TENM3: variants seen among roughly 807,000 people sequenced by gnomAD.
TENM3 encodes the protein teneurin transmembrane protein 3, also known as teneurin-3.
TENM3 carries 63 observed loss-of-function variants against 255.1 expected under a neutral mutation model. The ratio of observed to expected loss-of-function variants is 0.25; its 90% CI spans 0.20 to 0.30. TENM3 has a LOEUF of 0.30. TENM3 is among the 10% of genes least tolerant of loss of function. The pLI, the probability that TENM3 is intolerant of heterozygous loss-of-function variation, is 1.00. For missense variants in TENM3, 2,929 were observed against 3,461.1 expected (o/e 0.85, Z 3.86); for synonymous variants, 1,306 against 1,322.3 (o/e 0.99, Z 0.27).
intron 3 of TENM3, among the ~76,000 whole-genome samples, chr4:182,400,206 A>G (rs1561407781): frequency 6.6e-6 from 1 of 152,192 alleles, no homozygotes; most frequent in Non-Finnish European, 1.5e-5. Context: ...GGAAAGCAGA[A>G]CACACGTACA....
At chr4:182,156,382 G>A (rs184440007) in intron 1 of TENM3, among the ~76,000 whole-genome samples, 1 of 152,036 alleles carries the variant, frequency 6.6e-6, no homozygotes, top group African/African-American at 2.4e-5. Flanking sequence ...TTTAGATTCA[G>A]GGGTGCACAG....
intron 3 of TENM3, among the ~76,000 whole-genome samples, chr4:182,362,280 G>A (rs1016333743): frequency 2.0e-5 from 3 of 152,110 alleles, no homozygotes; most frequent in African/African-American, 7.2e-5. Context: ...AGTCTGCAGA[G>A]GTTACTGCTG....
At chr4:181,898,671 A>G in the TENM3 span, among the ~76,000 whole-genome samples, 4 of 152,196 alleles carry the variant, frequency 2.6e-5, no homozygotes, top group Admixed American at 1.3e-4. Flanking sequence ...TTACTCTATC[A>G]GACCAGACCC....
At chr4:182,688,109 C>T in intron 11 of TENM3, 57 bp from the exon 12 acceptor site, 1 of 1,432,566 alleles carries the variant, frequency 7.0e-7, no homozygotes, top group Non-Finnish European at 9.4e-7. Flanking sequence ...TTATTAATTC[C>T]CCTTCTCTCT....
chr4:182,720,929 G>A (rs767765281), intron 13 of TENM3, among the ~76,000 whole-genome samples: 9 of 151,900 alleles, frequency 5.9e-5, no homozygotes, highest in Non-Finnish European at 1.2e-4. Flanking sequence ...CACCAGGCCC[G>A]TCTAATTTTT....
chr4:182,008,808 C>G, the TENM3 span, among the ~76,000 whole-genome samples: 1 of 152,010 alleles, frequency 6.6e-6, no homozygotes, highest in Non-Finnish European at 1.5e-5. Context: ...GCACTCTGGC[C>G]TTTTGGGTTT....
At chr4:182,206,726 T>C (rs758215946) in intron 1 of TENM3, among the ~76,000 whole-genome samples, 1 of 152,220 alleles carries the variant, frequency 6.6e-6, no homozygotes, top group Non-Finnish European at 1.5e-5. Context: ...TCCAGAGTTT[T>C]TGTCCCTTCC....
In TENM3 at chr4:182,345,831, ATT is replaced by A. The variant is rs545035779; in HGVS notation, c.233-816_233-815del. Reference sequence around the variant, plus strand: ...AGGCCTGCAGAGTTCACAGCCATTTATTTTTCAGGGAACTTGATTTTATCATT... The same window carrying A: ...AGGCCTGCAGAGTTCACAGCCATTTATTTCAGGGAACTTGATTTTATCATT... On this transcript the variant is annotated intron_variant, in intron 2 of 27. Coordinates refer to ENST00000511685, the MANE Select transcript of TENM3 (RefSeq NM_001080477.4). Among the ~76,000 whole-genome samples the A allele has an allele frequency of 2.6e-5, 4 of 152,218 alleles. No individual in the cohort carries two copies. In the East Asian group the frequency reaches 7.7e-4, roughly 29 times the overall value.
chr4:182,351,239 A>G (rs1378454146), intron 3 of TENM3, among the ~76,000 whole-genome samples: 1 of 152,196 alleles, frequency 6.6e-6, no homozygotes, highest in Non-Finnish European at 1.5e-5. Context: ...AGTCATCAGG[A>G]CAGTGAAGAT....
At chr4:181,704,959 G>T in the TENM3 span, among the ~76,000 whole-genome samples, 1 of 151,638 alleles carries the variant, frequency 6.6e-6, no homozygotes, top group African/African-American at 2.4e-5. Flanking sequence ...AGCCCAGGAG[G>T]CAGAGGTTGC....
chr4:182,559,038 T>G (rs1742861140), intron 3 of TENM3, among the ~76,000 whole-genome samples: 1 of 152,172 alleles, frequency 6.6e-6, no homozygotes, highest in African/African-American at 2.4e-5. Flanking sequence ...CTGTGACCAC[T>G]GAGTTCCCAA....
At chr4:182,345,586 C>T (rs7699524) in intron 2 of TENM3, among the ~76,000 whole-genome samples, 26,066 of 152,038 alleles carry the variant, frequency 0.17, 2,665 homozygotes, top group East Asian at 0.36. Context: ...CCATGTCAAC[C>T]AGAGACAAGA....
intron 1 of TENM3, among the ~76,000 whole-genome samples, chr4:182,254,141 G>T (rs1758219106): frequency 1.3e-5 from 2 of 152,124 alleles, no homozygotes; most frequent in South Asian, 4.1e-4. Context: ...TCTCAAGGGA[G>T]AAAAATTCAA....
chr4:181,485,329 C>G, the TENM3 span, among the ~76,000 whole-genome samples: 5 of 152,090 alleles, frequency 3.3e-5, no homozygotes, highest in Admixed American at 3.3e-4. Context: ...ACTCATTGCT[C>G]TTAGTACACA....
intron 11 of TENM3, among the ~76,000 whole-genome samples, chr4:182,684,201 T>C (rs772530032): frequency 6.7e-6 from 1 of 149,950 alleles, no homozygotes; most frequent in Non-Finnish European, 1.5e-5. Flanking sequence ...AGGACAATGA[T>C]AGAGGAGGAA....
Position 182,777,511 on chromosome 4 carries a change from ATGTGTGTGTG to A in TENM3, c.5304+2380_5304+2389del, listed in dbSNP as rs150202066. Among the ~76,000 whole-genome samples the A allele has an allele frequency of 1.4e-4, 14 of 99,898 alleles. No homozygotes were observed. In the South Asian group the frequency reaches 3.5e-3, roughly 25 times the overall value. 65.5% of individuals were successfully genotyped at this position (99,898 alleles called of 152,430 possible). A position where few individuals can be genotyped will look rare whatever the true frequency, so the allele number is the denominator to read the frequency against. ...CTCTCTGTCTATACATAATGTGTTT[ATGTGTGTGTG>A]TGTGTGTGTGTGTGTGTGTGTATTT... is the stretch of plus-strand genomic sequence containing the variant. On this transcript the variant is annotated intron_variant, in intron 24 of 27. Coordinates refer to ENST00000511685, the MANE Select transcript of TENM3 (RefSeq NM_001080477.4).
chr4:182,517,117 C>G (rs1738048935), intron 3 of TENM3, among the ~76,000 whole-genome samples: 2 of 151,920 alleles, frequency 1.3e-5, no homozygotes, highest in Non-Finnish European at 2.9e-5. Context: ...GGAATAGAAA[C>G]TCTGCATTTT....
chr4:182,666,448 A>G (rs4642290), intron 6 of TENM3, among the ~76,000 whole-genome samples: 36,692 of 152,168 alleles, frequency 0.24, 4,689 homozygotes, highest in Admixed American at 0.39. Flanking sequence ...ATTGCCACAG[A>G]CACTCCAACC....
chr4:181,886,454 G>T, the TENM3 span, among the ~76,000 whole-genome samples: 3 of 152,086 alleles, frequency 2.0e-5, no homozygotes, highest in Non-Finnish European at 2.9e-5. Context: ...GCAAACTTTT[G>T]AGATAAATAT....
Sources: gnomAD v4.1 joint callset for allele counts (sites outside exome capture counted in the v4.1 genomes callset) on GRCh38, gnomAD v4.1.1 for gene constraint, MANE v1.5 for transcripts, NCBI Gene and HGNC (gene_info 2026-07-23, HGNC 2026-07-21) for gene names.